USP45: variants seen among roughly 807,000 people sequenced by gnomAD.
USP45 encodes ubiquitin carboxyl-terminal hydrolase 45.
A neutral mutation model predicts 95.8 loss-of-function variants in USP45; 89 were observed. The observed-to-expected ratio is 0.93, with a 90% CI of 0.78 to 1.11. The LOEUF (loss-of-function observed/expected upper bound fraction) is 1.11, where lower values mean the gene tolerates loss of function less well. USP45 is among the 50% of genes least tolerant of loss of function. The probability of loss-of-function intolerance (pLI) is 0.00; values close to 1 mark genes in which losing one functional copy is unlikely to be tolerated. For missense variants in USP45, 898 were observed against 942.5 expected (o/e 0.95, Z 0.62); for synonymous variants, 281 against 316.2 (o/e 0.89, Z 1.18).
intron 5 of USP45, among the ~76,000 whole-genome samples, chr6:99,493,970 C>T (rs1293071508): frequency 6.6e-6 from 1 of 152,128 alleles, no homozygotes; most frequent in African/African-American, 2.4e-5. Context: ...AAGGAATGAA[C>T]TTCAAGATGT....
intron 14 of USP45, among the ~76,000 whole-genome samples, chr6:99,444,206 G>T (rs1782052267): frequency 6.6e-6 from 1 of 151,990 alleles, no homozygotes; most frequent in South Asian, 2.1e-4. Context: ...GTAGACATGG[G>T]ATCTCACTAT....
chr6:99,501,317 C>A (rs1205701942), intron 5 of USP45, among the ~76,000 whole-genome samples: 2 of 151,748 alleles, frequency 1.3e-5, no homozygotes, highest in Non-Finnish European at 2.9e-5. Flanking sequence ...TACCGTGATA[C>A]CCCCCTGCTT....
At chr6:99,486,671 C>T (rs1793967766) in intron 7 of USP45, among the ~76,000 whole-genome samples, 1 of 150,996 alleles carries the variant, frequency 6.6e-6, no homozygotes, top group African/African-American at 2.4e-5. Context: ...TACTGTCTTT[C>T]AAAGATATAT....
intron 7 of USP45, among the ~76,000 whole-genome samples, chr6:99,487,996 C>A (rs1452236576): frequency 4.6e-5 from 7 of 152,090 alleles, no homozygotes; most frequent in African/African-American, 1.7e-4. Context: ...ATTATTTGAT[C>A]CATGGCATAT....
rs963772111 is a variant in USP45, at chr6:99,433,325, A to G, written c.*2391T>C. The stretch of plus-strand genomic sequence containing the variant: ...AGCTAATGAAACTTTAATTCATTCA[A>G]ACACTATGGTAGTTATGTTGATGAT... On this transcript the variant is annotated 3_prime_UTR_variant, in exon 18 of 18. Transcript: ENST00000500704. 6.6e-6 allele frequency: 1 copy of G among 152,662 alleles called. No homozygotes were observed. The highest frequency in any genetic ancestry group is 1.5e-5 in the Non-Finnish European group (1 of 68,030). The allele number at this position is 152,662 out of a possible 1,614,324, so 9.5% of individuals were successfully genotyped here. A position where few individuals can be genotyped will look rare whatever the true frequency, so the allele number is the denominator to read the frequency against.
At chr6:99,515,971 G>A (rs940988061), upstream of USP45, among the ~76,000 whole-genome samples, 3 of 151,754 alleles carry the variant, frequency 2.0e-5, no homozygotes, top group Non-Finnish European at 4.4e-5. Context: ...TAGAGACGGG[G>A]TTTCACCGTG....
At chr6:99,443,690 T>C (rs757552867) in intron 14 of USP45, 28 bp from the exon 15 acceptor site, 14 of 1,400,260 alleles carry the variant, frequency 1.0e-5, no homozygotes, top group Admixed American at 2.2e-5. Context: ...AATTTATTTA[T>C]AAAATTCCAT....
chr6:99,486,260 A>G (rs1295668283), intron 7 of USP45, among the ~76,000 whole-genome samples: 1 of 152,222 alleles, frequency 6.6e-6, no homozygotes, highest in Non-Finnish European at 1.5e-5. Context: ...TTTATGCCCT[A>G]AAAACCTAAG....
At chr6:99,443,745 C>G (rs986485143) in intron 14 of USP45, 83 bp from the exon 15 acceptor site, 1 of 863,838 alleles carries the variant, frequency 1.2e-6, no homozygotes, top group South Asian at 2.4e-5. Flanking sequence ...ACAGAAGTAT[C>G]ATACCACATT....
At chr6:99,438,670 G>A (rs1780968834) in intron 16 of USP45, among the ~76,000 whole-genome samples, 1 of 152,160 alleles carries the variant, frequency 6.6e-6, no homozygotes, top group Admixed American at 6.5e-5. Context: ...ATTATTAAAT[G>A]ATATTGTGGT....
intron 3 of USP45, 54 bp downstream of exon 3, chr6:99,508,556 G>A: frequency 6.5e-7 from 1 of 1,531,922 alleles, no homozygotes; most frequent in Non-Finnish European, 8.8e-7. Context: ...CTCACAATAA[G>A]CATTTAAGGA....
At chr6:99,449,771 C>T (rs1447825417) in intron 13 of USP45, among the ~76,000 whole-genome samples, 7 of 152,078 alleles carry the variant, frequency 4.6e-5, no homozygotes, top group Non-Finnish European at 7.4e-5. Flanking sequence ...ATTGACCACA[C>T]AGTTGGAAGT....
upstream of USP45, among the ~76,000 whole-genome samples, chr6:99,516,663 A>T (rs1335779814): frequency 6.6e-6 from 1 of 152,186 alleles, no homozygotes; most frequent in Non-Finnish European, 1.5e-5. Context: ...CTAGGGAAAA[A>T]GAAAATATTC....
chr6:99,491,924 G>A (rs978428646), intron 5 of USP45, among the ~76,000 whole-genome samples: 3 of 151,168 alleles, frequency 2.0e-5, no homozygotes, highest in African/African-American at 7.3e-5. Context: ...TATACACGAC[G>A]CCTATTGGGC....
intron 7 of USP45, among the ~76,000 whole-genome samples, chr6:99,484,026 A>T (rs149020642): frequency 1.5e-3 from 10 of 6,724 alleles, no homozygotes; most frequent in African/African-American, 2.2e-3. Flanking sequence ...TTTTTTTTTT[A>T]AAGAGACAGG....
chr6:99,471,237 C>T (rs1000848707), intron 9 of USP45, among the ~76,000 whole-genome samples: 2 of 152,144 alleles, frequency 1.3e-5, no homozygotes, highest in African/African-American at 4.8e-5. Flanking sequence ...CGTCCATATA[C>T]AATTCCTCAT....
At chr6:99,453,308 A>AG (rs1747985043) in intron 13 of USP45, among the ~76,000 whole-genome samples, 1 of 152,218 alleles carries the variant, frequency 6.6e-6, no homozygotes. Flanking sequence ...AAACAAATTC[A>AG]GTAAAGTTGT....
intron 13 of USP45, among the ~76,000 whole-genome samples, chr6:99,448,286 A>G (rs2083237138): frequency 6.6e-6 from 1 of 152,144 alleles, no homozygotes. Context: ...TAAGTTAAAA[A>G]CCTTGAAAAA....
intron 2 of USP45, among the ~76,000 whole-genome samples, chr6:99,509,335 T>C (rs923805406): frequency 2.0e-5 from 3 of 152,174 alleles, no homozygotes; most frequent in African/African-American, 7.2e-5. Context: ...TAGTAAAATA[T>C]CAAAACCAGG....
Sources: gnomAD v4.1 joint callset for allele counts (sites outside exome capture counted in the v4.1 genomes callset) on GRCh38, gnomAD v4.1.1 for gene constraint, MANE v1.5 for transcripts, NCBI Gene and HGNC (gene_info 2026-07-23, HGNC 2026-07-21) for gene names.